The following SLC38A2 variants were observed in gnomAD, a reference collection of about 807,000 sequenced individuals.
The protein encoded by SLC38A2 is sodium-coupled neutral amino acid symporter 2.
Under a neutral mutation model 61.5 loss-of-function variants are expected in SLC38A2, and 11 were observed. That is an observed-to-expected ratio of 0.18 (90% confidence interval 0.11 to 0.30). SLC38A2 has a LOEUF of 0.30. Ranked by LOEUF, SLC38A2 falls within the 10% of genes least tolerant of loss-of-function variation. SLC38A2 has a pLI of 1.00. For missense variants in SLC38A2, 522 were observed against 600.4 expected (o/e 0.87, Z 1.36); for synonymous variants, 217 against 212.5 (o/e 1.02, Z -0.18).
At chr12:46,362,952 G>A in intron 13 of SLC38A2, 69 bp downstream of exon 13, 3 of 1,578,662 alleles carry the variant, frequency 1.9e-6, no homozygotes, top group East Asian at 4.5e-5. Flanking sequence ...TCCAGAAGAT[G>A]AAAATCTCAC....
rs911052365 is a variant in SLC38A2, at chr12:46,371,396, G to T, written c.-86-17C>A. The T allele has an allele frequency of 3.1e-5, 28 of 906,440 alleles. No individual in the cohort carries two copies. In the Admixed American group the frequency reaches 3.9e-4, roughly 13 times the overall value. 56.1% of individuals were successfully genotyped at this position (906,440 alleles called of 1,614,324 possible). A position where few individuals can be genotyped will look rare whatever the true frequency, so the allele number is the denominator to read the frequency against. ...CGAGTCGGCCTGCGAAAGTAGAGGC[G>T]GCGCGTCAGGACCGCAGCGCCAGCC... On this transcript the variant is annotated splice_polypyrimidine_tract_variant and intron_variant, in intron 1 of 15. Coordinates refer to ENST00000256689, the MANE Select transcript of SLC38A2 (RefSeq NM_018976.5).
intron 7 of SLC38A2, 99 bp downstream of exon 7, chr12:46,366,765 G>T: frequency 9.5e-7 from 1 of 1,057,904 alleles, no homozygotes; most frequent in Non-Finnish European, 1.3e-6. Flanking sequence ...AACATTTATG[G>T]ATAATTAACT....
chr12:46,363,738 G>T lies in SLC38A2; in HGVS notation c.1042C>A (p.Leu348Ile). ...AGGCGTTACTTACCGTAAAATGTTA[G>T]GTATCCAAAGAGGGCGGCAAGCAGA... Reference protein sequence around the residue: ...MYLLAALFGYLTFYEHVESEL... With the variant: ...MYLLAALFGYITFYEHVESEL... Residue 348 changes from leucine (L) to isoleucine (I), a missense_variant, in exon 12 of 16, where the codon CTA (leucine) becomes ATA (isoleucine). Physicochemically the swap from Leu to Ile is conservative, Grantham distance 5. Transcript: ENST00000256689. 1 of 1,565,710 alleles carries T rather than the reference G, an allele frequency of 6.4e-7. No individual in the cohort carries two copies. Among genetic ancestry groups the T allele is most frequent in the Admixed American group, 2.2e-5 (1 of 46,246 alleles).
chr12:46,367,294 G>A lies in SLC38A2; in HGVS notation c.361C>T (p.Leu121Phe), dbSNP rs747486310. Residue 121 changes from leucine (L) to phenylalanine (F), a missense_variant, in exon 5 of 16, where the codon CTC becomes TTC. Leu to Phe is a conservative substitution (Grantham distance 22). Coordinates refer to ENST00000256689, the MANE Select transcript of SLC38A2 (RefSeq NM_018976.5). ...CCTTCATTGGCAGTCTTCAAAAGGA[G>A]ATGAACAGAATACAGGGAAAATATT... The part of the protein sequence containing the change: ...VSIFSLYSVH[L>F]LLKTANEGGS... 3 of 1,603,134 alleles carry A rather than the reference G, an allele frequency of 1.9e-6. No homozygotes were observed. The highest frequency in any genetic ancestry group is 1.7e-5 in the Admixed American group (1 of 59,974).
chr12:46,366,976 G>A (rs532365937), intron 6 of SLC38A2, 31 bp from the exon 7 acceptor site: 3 of 1,611,238 alleles, frequency 1.9e-6, no homozygotes, highest in Non-Finnish European at 2.5e-6. Context: ...ACCATTACAA[G>A]TGCAAAACGC....
chr12:46,365,279 C>T (rs751924781), intron 7 of SLC38A2, 90 bp from the exon 8 acceptor site: 2 of 997,622 alleles, frequency 2.0e-6, no homozygotes, highest in East Asian at 2.5e-5. Context: ...CATAGGAATA[C>T]CATGAAAACA....
chr12:46,363,451 G>A (rs796154635), intron 12 of SLC38A2, among the ~76,000 whole-genome samples: 2 of 151,970 alleles, frequency 1.3e-5, no homozygotes, highest in African/African-American at 4.8e-5. Context: ...TGATGGGAGA[G>A]GAGACAGGCA....
intron 7 of SLC38A2, among the ~76,000 whole-genome samples, chr12:46,366,551 C>G (rs923216754): frequency 1.3e-5 from 2 of 152,138 alleles, no homozygotes; most frequent in Admixed American, 1.3e-4. Flanking sequence ...TTCAAAGCTT[C>G]AGTCCTCACT....
chr12:46,371,558 G>A (rs1308043748), intron 1 of SLC38A2, 179 bp from the exon 2 acceptor site: 1 of 447,914 alleles, frequency 2.2e-6, no homozygotes, highest in Non-Finnish European at 3.9e-6. Flanking sequence ...CGGAGCCGCG[G>A]GGAGAACAAA....
rs1943062160 is a variant in SLC38A2 at position 46,359,871 on chromosome 12, A to G, written c.*1240T>C. The stretch of plus-strand genomic sequence containing the variant: ...AGAATGAGATGACAGTCCAGTGCAA[A>G]TGAGTTTTTATAAAGCTTACTGCAT... On this transcript the variant is annotated 3_prime_UTR_variant, in exon 16 of 16. Coordinates refer to ENST00000256689, the MANE Select transcript of SLC38A2 (RefSeq NM_018976.5). The G allele has an allele frequency of 6.6e-6, 1 of 152,640 alleles. No individual in the cohort carries two copies. The highest frequency in any genetic ancestry group is 1.5e-5 in the Non-Finnish European group (1 of 68,028). 9.5% of individuals were successfully genotyped at this position (152,640 alleles called of 1,614,324 possible).
At chr12:46,364,880 G>C in intron 8 of SLC38A2, 178 bp from the exon 9 acceptor site, 1 of 670,580 alleles carries the variant, frequency 1.5e-6, no homozygotes, top group South Asian at 2.1e-5. Flanking sequence ...AAATATACTT[G>C]TCATAACCCA....
chr12:46,366,520 A>T (rs1032378657), intron 7 of SLC38A2, among the ~76,000 whole-genome samples: 2 of 152,136 alleles, frequency 1.3e-5, no homozygotes, highest in African/African-American at 4.8e-5. Context: ...CAAAAATAAG[A>T]CGGATTAATT....
Position 46,372,753 on chromosome 12 carries a change from G to A in SLC38A2, c.-331C>T, listed in dbSNP as rs959384684. On this transcript the variant is annotated 5_prime_UTR_variant, in exon 1 of 16. Coordinates refer to ENST00000256689, the MANE Select transcript of SLC38A2 (RefSeq NM_018976.5). ...AGCAGTACTGGAAAGGCGTTCTAAG[G>A]CGGCGGCGTCGCGCGGCTGTGGAGC... 1 of 398,248 alleles carries A rather than the reference G, an allele frequency of 2.5e-6. No individual in the cohort carries two copies. Among genetic ancestry groups the A allele is most frequent in the African/African-American group, 2.1e-5 (1 of 48,634 alleles). The allele number at this position is 398,248 out of a possible 1,614,324, so 24.7% of individuals were successfully genotyped here. A position where few individuals can be genotyped will look rare whatever the true frequency, so the allele number is the denominator to read the frequency against.
intron 1 of SLC38A2, 40 bp from the exon 2 acceptor site, chr12:46,371,419 G>C (rs1042610111): frequency 1.4e-6 from 1 of 698,106 alleles, no homozygotes; most frequent in South Asian, 1.8e-5. Flanking sequence ...CGCAGCGCCA[G>C]CCCGCCGCGG....
Position 46,371,248 on chromosome 12 carries a change from C to T in SLC38A2, c.46G>A (p.Asp16Asn). 1 of 1,614,246 alleles carries T rather than the reference C, an allele frequency of 6.2e-7. No homozygotes were observed. Among genetic ancestry groups the T allele is most frequent in the Non-Finnish European group, 8.5e-7 (1 of 1,180,044 alleles). Residue 16 changes from aspartate (D) to asparagine (N), a missense_variant, in exon 2 of 16, where the codon GAC (aspartate) becomes AAC (asparagine). By Grantham distance (23) the Asp-to-Asn change is conservative. Transcript: ENST00000256689. ...CTGTTGGAACTGTAGCTGCTGCTGTCTTCATCCGGGGAAATACTGAATCGT... is the reference window on the plus strand; with the variant it reads ...CTGTTGGAACTGTAGCTGCTGCTGTTTTCATCCGGGGAAATACTGAATCGT... ...MGRFSISPDEDSSSYSSNSDF... is the reference protein window; with the variant it reads ...MGRFSISPDENSSSYSSNSDF...
Position 46,371,201 on chromosome 12 carries a change from G to A in SLC38A2, c.93C>T (p.Pro31=), listed in dbSNP as rs757479730. 4 of 1,614,222 alleles carry A rather than the reference G, an allele frequency of 2.5e-6. No homozygotes were observed. Among genetic ancestry groups the A allele is most frequent in the South Asian group, 1.1e-5 (1 of 91,088 alleles). ...ACCTTTTCAGAGCAGCTTGCTTGGT[G>A]GGGTAGGAGTAGTTGAAGTCGCTGT... ...SSNSDFNYSY[P]TKQAALKSHY... is the part of the protein sequence containing the mutation. Residue 31 remains proline (P), a synonymous_variant, in exon 2 of 16, where the codon CCC becomes CCT. Transcript: ENST00000256689.
chr12:46,370,917 C>T, intron 2 of SLC38A2, 60 bp from the exon 3 acceptor site: 4 of 1,298,460 alleles, frequency 3.1e-6, no homozygotes, highest in East Asian at 2.4e-5. Flanking sequence ...TCATTACACA[C>T]AAGACTGCTT....
In SLC38A2 at chr12:46,358,787, G is replaced by A. The variant is rs911961759; in HGVS notation, c.*2324C>T. On this transcript the variant is annotated 3_prime_UTR_variant, in exon 16 of 16. Coordinates refer to ENST00000256689, the MANE Select transcript of SLC38A2 (RefSeq NM_018976.5). ...AATAGGTTAGCTTTAATGGATTAAT[G>A]TTGTTCTATAAATAACATTACAGTT... The A allele has an allele frequency of 1.3e-5, 2 of 152,558 alleles. No individual in the cohort carries two copies. Among genetic ancestry groups the A allele is most frequent in the African/African-American group, 4.8e-5 (2 of 41,410 alleles). 9.5% of individuals were successfully genotyped at this position (152,558 alleles called of 1,614,324 possible).
chr12:46,370,929 A>T, intron 2 of SLC38A2, 72 bp from the exon 3 acceptor site: 19 of 1,160,274 alleles, frequency 1.6e-5, no homozygotes, highest in Non-Finnish European at 2.4e-5. Flanking sequence ...AGACTGCTTT[A>T]ACATAAAATA....
Sources: allele counts gnomAD v4.1 joint callset (sites outside exome capture counted in the v4.1 genomes callset), GRCh38; gene constraint gnomAD v4.1.1; transcripts MANE v1.5; gene names NCBI Gene and HGNC (gene_info 2026-07-23, HGNC 2026-07-21).